COL5A1: variants seen among roughly 807,000 people sequenced by gnomAD.
COL5A1 encodes the protein collagen type V alpha 1 chain, also known as collagen alpha-1(V) chain.
A neutral mutation model predicts 263.7 loss-of-function variants in COL5A1; 16 were observed. The ratio of observed to expected loss-of-function variants is 0.06; its 90% confidence interval spans 0.04 to 0.09. The LOEUF (loss-of-function observed/expected upper bound fraction) is 0.09, where lower values mean the gene tolerates loss of function less well. Among genes scored for constraint, COL5A1 ranks in the 10% least tolerant of loss-of-function variants. COL5A1 has a pLI of 1.00. For missense variants in COL5A1, 2,036 were observed against 2,540.5 expected (o/e 0.80, Z 4.27); for synonymous variants, 1,012 against 1,004.5 (o/e 1.01, Z -0.14).
At chr9:134,777,561 G>A (rs574373001) in intron 27 of COL5A1, among the ~76,000 whole-genome samples, 4 of 152,358 alleles carry the variant, frequency 2.6e-5, no homozygotes, top group African/African-American at 4.8e-5. Context: ...CTGTAGGACC[G>A]GGAGGGGTCT....
At chr9:134,733,084 C>A (rs557745123) in intron 9 of COL5A1, among the ~76,000 whole-genome samples, 6 of 152,330 alleles carry the variant, frequency 3.9e-5, no homozygotes, top group Middle Eastern at 6.8e-3. Context: ...CACGGCCAGT[C>A]ATGAGGCTGG....
intron 2 of COL5A1, among the ~76,000 whole-genome samples, chr9:134,697,525 C>T (rs959031507): frequency 6.6e-6 from 1 of 152,072 alleles, no homozygotes; most frequent in African/African-American, 2.4e-5. Context: ...GGACGGGAGC[C>T]AGGTGGCCCT....
intron 65 of COL5A1, among the ~76,000 whole-genome samples, chr9:134,837,770 C>T (rs548522791): frequency 2.0e-4 from 31 of 152,140 alleles, no homozygotes; most frequent in Middle Eastern, 6.8e-3. Flanking sequence ...GTGTGCCAAA[C>T]GCCTCCAGAA....
chr9:134,805,257 T>C, intron 41 of COL5A1, 43 bp downstream of exon 41: 2 of 1,609,436 alleles, frequency 1.2e-6, no homozygotes, highest in Non-Finnish European at 8.5e-7. Flanking sequence ...TGAATCCTAC[T>C]CTCCAGGTCA....
At chr9:134,708,706 A>T (rs1478273042) in intron 4 of COL5A1, 1 of 515,002 alleles carries the variant, frequency 1.9e-6, no homozygotes, top group East Asian at 5.5e-5. Context: ...TGCCCCTGGA[A>T]GGGACAAGGA....
chr9:134,738,469 C>T lies in COL5A1; in HGVS notation c.1390-5C>T. On this transcript the variant is annotated splice_region_variant and splice_polypyrimidine_tract_variant and intron_variant, in intron 9 of 65. Coordinates refer to ENST00000371817, the MANE Select transcript of COL5A1 (RefSeq NM_000093.5). Reference sequence around the variant, plus strand: ...GTCTCAGACGCCCTCTCTCTGTCTCCCCAGGGCATGCTCATCGAGGGCCCG... The same window carrying T: ...GTCTCAGACGCCCTCTCTCTGTCTCTCCAGGGCATGCTCATCGAGGGCCCG... The T allele has an allele frequency of 6.2e-7, 1 of 1,614,040 alleles. No homozygotes were observed. Among genetic ancestry groups the T allele is most frequent in the Non-Finnish European group, 8.5e-7 (1 of 1,180,026 alleles).
chr9:134,773,275 G>C (rs1836929146), intron 26 of COL5A1, among the ~76,000 whole-genome samples: 1 of 152,236 alleles, frequency 6.6e-6, no homozygotes, highest in Non-Finnish European at 1.5e-5. Flanking sequence ...CCGACACTGT[G>C]AGCGGCTTGT....
At chr9:134,733,038 T>C (rs1197021422) in intron 9 of COL5A1, among the ~76,000 whole-genome samples, 1 of 152,172 alleles carries the variant, frequency 6.6e-6, no homozygotes, top group Non-Finnish European at 1.5e-5. Context: ...TGCCATGTTG[T>C]CCAAGTGCCC....
At chr9:134,702,458 T>C (rs1588451382) in intron 4 of COL5A1, among the ~76,000 whole-genome samples, 1 of 151,564 alleles carries the variant, frequency 6.6e-6, no homozygotes, top group Non-Finnish European at 1.5e-5. Flanking sequence ...ATGGCTGAGG[T>C]GGGGTCCCCA....
intron 1 of COL5A1, among the ~76,000 whole-genome samples, chr9:134,688,231 T>A (rs1833146154): frequency 6.6e-6 from 1 of 152,036 alleles, no homozygotes; most frequent in Non-Finnish European, 1.5e-5. Context: ...CCTTCAGCAA[T>A]GGAGAAAACA....
At chr9:134,697,272 G>A (rs185227331) in intron 2 of COL5A1, among the ~76,000 whole-genome samples, 1 of 152,240 alleles carries the variant, frequency 6.6e-6, no homozygotes, top group East Asian at 1.9e-4. Flanking sequence ...TAAATCCATT[G>A]TTATTTTGCC....
In COL5A1 at chr9:134,843,781, G is replaced by A. The variant is rs1295923986; in HGVS notation, c.*1478G>A. The stretch of plus-strand genomic sequence containing the variant: ...GCCATGCGCTGCCTCGGTAGATGGA[G>A]TAATGTACAATGAACTCCATGAGTC... On this transcript the variant is annotated 3_prime_UTR_variant, in exon 66 of 66. Coordinates refer to ENST00000371817, the MANE Select transcript of COL5A1 (RefSeq NM_000093.5). 3 of 152,710 alleles carry A rather than the reference G, an allele frequency of 2.0e-5. No individual in the cohort carries two copies. The highest frequency in any genetic ancestry group is 7.2e-5 in the African/African-American group (3 of 41,472). 9.5% of individuals were successfully genotyped at this position (152,710 alleles called of 1,614,324 possible).
At chr9:134,734,938 C>A (rs908625474) in intron 9 of COL5A1, among the ~76,000 whole-genome samples, 2 of 152,242 alleles carry the variant, frequency 1.3e-5, no homozygotes, top group African/African-American at 4.8e-5. Flanking sequence ...CGGCCGGGTG[C>A]GGTGGCTCAC....
chr9:134,829,798 A>C (rs1345238481), intron 63 of COL5A1, among the ~76,000 whole-genome samples, 178 bp from the exon 64 acceptor site: 1 of 150,426 alleles, frequency 6.6e-6, no homozygotes, highest in Non-Finnish European at 1.5e-5. Flanking sequence ...CAGTCTCCCC[A>C]CAAGGGCCGG....
chr9:134,688,332 C>T (rs540836075), intron 1 of COL5A1, among the ~76,000 whole-genome samples: 21 of 152,306 alleles, frequency 1.4e-4, no homozygotes, highest in Admixed American at 1.2e-3. Context: ...TCCCCTGCCC[C>T]GGCCGCTGCC....
chr9:134,822,953 A>G (rs1588594718), intron 59 of COL5A1, 45 bp from the exon 60 acceptor site: 4 of 1,613,076 alleles, frequency 2.5e-6, no homozygotes, highest in Non-Finnish European at 2.5e-6. Context: ...GTGGGGCTGG[A>G]GCTGAGACCC....
chr9:134,835,067 C>T lies in COL5A1; in HGVS notation c.5233C>T (p.His1745Tyr), dbSNP rs1041708390. 6.2e-7 allele frequency: 1 copy of T among 1,613,586 alleles called. No individual in the cohort carries two copies. Among genetic ancestry groups the T allele is most frequent in the Non-Finnish European group, 8.5e-7 (1 of 1,180,024 alleles). Reference protein sequence around the residue: ...SASAHQNVTYHCYQSVAWQDA... With the variant: ...SASAHQNVTYYCYQSVAWQDA... ...CTCTGCCCACCAGAACGTCACCTAC[C>T]ACTGCTACCAGTCAGTGGCCTGGCA... Residue 1745 changes from histidine to tyrosine, a missense_variant, in exon 65 of 66, where the codon CAC becomes TAC. This residue lies in a region of COL5A1 where 358 missense variants were observed against 384.6 expected (regional missense o/e 0.93). Coordinates refer to ENST00000371817, the MANE Select transcript of COL5A1 (RefSeq NM_000093.5).
In COL5A1 at chr9:134,818,423, G is replaced by A. The variant is rs537870623; in HGVS notation, c.4231-233G>A. Reference sequence around the variant, plus strand: ...AGTGGCGCTGTGACACCCGGTCTGTGGTCGGCGCAGTCAGCGGAGACGGGA... The same window carrying A: ...AGTGGCGCTGTGACACCCGGTCTGTAGTCGGCGCAGTCAGCGGAGACGGGA... On this transcript the variant is annotated intron_variant, in intron 54 of 65. Coordinates refer to ENST00000371817, the MANE Select transcript of COL5A1 (RefSeq NM_000093.5). The surrounding 1 kb of genome is among the most constrained non-coding windows in gnomAD (Gnocchi z 6.0). Among the ~76,000 whole-genome samples the A allele has an allele frequency of 5.5e-4, 84 of 152,302 alleles. 2 individuals carry two copies. In the South Asian group the frequency reaches 0.017, roughly 32 times the overall value.
At chr9:134,708,352 G>A in intron 4 of COL5A1, 1 of 323,892 alleles carries the variant, frequency 3.1e-6, no homozygotes, top group Non-Finnish European at 6.1e-6. Context: ...TGCCCCTCCC[G>A]AGTCCTGGCC....
Sources: gnomAD v4.1 joint callset for allele counts (sites outside exome capture counted in the v4.1 genomes callset) on GRCh38, gnomAD v4.1.1 for gene constraint, gnomAD v4.1.1 regional missense constraint, Gnocchi (gnomAD v3.1) non-coding constraint, MANE v1.5 for transcripts, NCBI Gene and HGNC (gene_info 2026-07-23, HGNC 2026-07-21) for gene names.